DGKI: variants seen among roughly 807,000 people sequenced by gnomAD.
DGKI encodes the protein DAG kinase iota.
A neutral mutation model predicts 147.5 loss-of-function variants in DGKI; 55 were observed. The ratio of observed to expected loss-of-function variants is 0.37; its 90% CI spans 0.30 to 0.47. DGKI has a LOEUF of 0.47. Among genes scored for constraint, DGKI ranks in the 20% least tolerant of loss-of-function variants. The pLI, the probability that DGKI is intolerant of heterozygous loss-of-function variation, is 1.00. For missense variants in DGKI, 1,007 were observed against 1,323.8 expected, an observed-to-expected ratio of 0.76 and a Z score of 3.71; for synonymous variants, 469 against 477.1, an observed-to-expected ratio of 0.98 and a Z score of 0.22.
intron 21 of DGKI, among the ~76,000 whole-genome samples, chr7:137,519,901 T>C (rs1228710873): frequency 6.6e-6 from 1 of 152,116 alleles, no homozygotes; most frequent in Non-Finnish European, 1.5e-5. Context: ...AATTTTTACA[T>C]CTTTAGAATA....
chr7:137,665,483 T>C (rs182373101), intron 3 of DGKI, among the ~76,000 whole-genome samples: 5 of 152,342 alleles, frequency 3.3e-5, no homozygotes, highest in Admixed American at 2.6e-4. Context: ...CTATTATGGT[T>C]GGAATTGCCT....
In DGKI at chr7:137,444,135, T is replaced by A. The variant is rs374993904; in HGVS notation, c.2736-33A>T. On this transcript the variant is annotated intron_variant, in intron 27 of 32. Coordinates refer to ENST00000614521, the MANE Select transcript of DGKI (RefSeq NM_001321708.2). ...GAAATAATAAGCATGATCAATATTT[T>A]ATATGATAATTATAATGATAATCAA... is the stretch of plus-strand genomic sequence containing the variant. 39 of 1,198,174 alleles carry A rather than the reference T, an allele frequency of 3.3e-5. No individual in the cohort carries two copies. The African/African-American group carries it at 5.3e-4, about 16-fold the overall frequency. The allele number at this position is 1,198,174 out of a possible 1,614,324, so 74.2% of individuals were successfully genotyped here.
chr7:137,447,756 G>GC (rs1384979306), intron 27 of DGKI, among the ~76,000 whole-genome samples: 10 of 152,234 alleles, frequency 6.6e-5, no homozygotes, highest in African/African-American at 1.9e-4. Flanking sequence ...AATGGAGCAA[G>GC]CTTGTGAGGC....
intron 30 of DGKI, among the ~76,000 whole-genome samples, chr7:137,400,553 A>C (rs1210581143): frequency 6.6e-6 from 1 of 152,162 alleles, no homozygotes; most frequent in Non-Finnish European, 1.5e-5. Context: ...CAAGGAAGAA[A>C]GCTGTTCTTC....
chr7:137,844,548 C>A (rs1030644530), intron 1 of DGKI, among the ~76,000 whole-genome samples: 1 of 152,168 alleles, frequency 6.6e-6, no homozygotes, highest in Non-Finnish European at 1.5e-5. Context: ...GACTGTAAAG[C>A]TTTATTTAAA....
chr7:137,548,124 G>T (rs1004742846), intron 20 of DGKI, among the ~76,000 whole-genome samples: 28 of 152,214 alleles, frequency 1.8e-4, no homozygotes, highest in African/African-American at 6.5e-4. Context: ...TGTGAAGGCA[G>T]CAAGGGCAGG....
chr7:137,715,927 A>C (rs1232196459), intron 1 of DGKI, among the ~76,000 whole-genome samples: 1 of 152,194 alleles, frequency 6.6e-6, no homozygotes, highest in Non-Finnish European at 1.5e-5. Context: ...AAGAGGGGAA[A>C]GCAGAGCGAA....
At chr7:137,696,493 G>A (rs270890) in intron 1 of DGKI, among the ~76,000 whole-genome samples, 141,044 of 141,050 alleles carry the variant, frequency 1, 70,519 homozygotes, top group Middle Eastern at 1. Context: ...CCTGGCAGCT[G>A]AATGCCCCTG....
chr7:137,539,763 A>G (rs1424899719), intron 20 of DGKI, among the ~76,000 whole-genome samples: 1 of 152,050 alleles, frequency 6.6e-6, no homozygotes, highest in Non-Finnish European at 1.5e-5. Flanking sequence ...GCAGGAATCA[A>G]TAAAATTGCA....
At chr7:137,492,944 A>T (rs958678070) in intron 21 of DGKI, among the ~76,000 whole-genome samples, 2 of 152,192 alleles carry the variant, frequency 1.3e-5, no homozygotes, top group African/African-American at 4.8e-5. Context: ...GCCAAGGCAC[A>T]TCAGCCCACC....
intron 17 of DGKI, among the ~76,000 whole-genome samples, chr7:137,573,885 C>T (rs1585245018): frequency 6.6e-6 from 1 of 152,346 alleles, no homozygotes; most frequent in African/African-American, 2.4e-5. Flanking sequence ...ATGTTCCTTT[C>T]TCATTTCCCA....
chr7:137,693,813 A>G (rs1270959129), intron 1 of DGKI, among the ~76,000 whole-genome samples: 3 of 152,192 alleles, frequency 2.0e-5, no homozygotes, highest in Non-Finnish European at 4.4e-5. Context: ...TGCCTGAGAG[A>G]GTCAGAAATC....
chr7:137,513,484 T>G (rs1317943989), intron 21 of DGKI, among the ~76,000 whole-genome samples: 1 of 152,250 alleles, frequency 6.6e-6, no homozygotes, highest in Non-Finnish European at 1.5e-5. Context: ...TCATCCCATT[T>G]CTTTCCTTAG....
At chr7:137,566,458 T>A (rs1163158090) in intron 19 of DGKI, among the ~76,000 whole-genome samples, 3 of 152,048 alleles carry the variant, frequency 2.0e-5, no homozygotes, top group Non-Finnish European at 4.4e-5. Flanking sequence ...AGTATACATT[T>A]AGAGGTCATA....
chr7:137,821,030 C>T (rs1000877025), intron 1 of DGKI, among the ~76,000 whole-genome samples: 3 of 152,178 alleles, frequency 2.0e-5, no homozygotes, highest in Non-Finnish European at 4.4e-5. Flanking sequence ...AACAGCCTCT[C>T]CCCAGTGACA....
chr7:137,751,841 G>A lies in DGKI; in HGVS notation c.402-61839C>T, dbSNP rs141784611. Among the ~76,000 whole-genome samples the A allele has an allele frequency of 4.2e-4, 64 of 152,210 alleles. No homozygotes were observed. In the East Asian group the frequency reaches 0.011, roughly 26 times the overall value. On this transcript the variant is annotated intron_variant, in intron 1 of 32. Transcript: ENST00000614521. ...ATTTACAAAAATTGACCTGTACGCT[G>A]TCATTTTCTAACCCTTGCAATCAAC... is the stretch of plus-strand genomic sequence containing the variant.
chr7:137,570,430 G>C (rs932808863), intron 19 of DGKI, among the ~76,000 whole-genome samples: 2 of 152,134 alleles, frequency 1.3e-5, no homozygotes, highest in African/African-American at 4.8e-5. Context: ...TGTATATTCA[G>C]ATATTTTGTG....
chr7:137,691,061 C>T (rs1209704093), intron 1 of DGKI, among the ~76,000 whole-genome samples: 4 of 152,110 alleles, frequency 2.6e-5, no homozygotes, highest in South Asian at 2.1e-4. Context: ...TGAGAAGTAC[C>T]TGAAATAGAA....
In DGKI at chr7:137,763,709, A is replaced by G. The variant is rs139688965; in HGVS notation, c.402-73707T>C. ...CAGTAATTCTATAGCTTCTCTCTGTATCTAGAATGTAATTCATCTGGGCTA... is the reference window on the plus strand; with the variant it reads ...CAGTAATTCTATAGCTTCTCTCTGTGTCTAGAATGTAATTCATCTGGGCTA... On this transcript the variant is annotated intron_variant, in intron 1 of 32. Transcript: ENST00000614521. 3.6e-3 allele frequency among the ~76,000 whole-genome samples: 546 copies of G among 152,346 alleles called. 5 individuals carry two copies. Among genetic ancestry groups the G allele is most frequent in the Middle Eastern group, 0.01 (3 of 294 alleles).
Sources: gnomAD v4.1 joint callset for allele counts (sites outside exome capture counted in the v4.1 genomes callset) on GRCh38, gnomAD v4.1.1 for gene constraint, MANE v1.5 for transcripts, NCBI Gene and HGNC (gene_info 2026-07-23, HGNC 2026-07-21) for gene names.